The following GTF2F1 variants were observed in gnomAD, a reference collection of about 807,000 sequenced individuals.
GTF2F1 encodes general transcription factor IIF subunit 1, also known as general transcription factor IIF 74 kDa subunit.
A neutral mutation model predicts 63.5 loss-of-function variants in GTF2F1; 39 were observed. The ratio of observed to expected loss-of-function variants is 0.61; its 90% CI spans 0.48 to 0.80. The LOEUF (loss-of-function observed/expected upper bound fraction) is 0.80, where lower values mean the gene tolerates loss of function less well. Among genes scored for constraint, GTF2F1 ranks in the 30% least tolerant of loss-of-function variants. The pLI, the probability that GTF2F1 is intolerant of heterozygous loss-of-function variation, is 0.00. For missense variants in GTF2F1, 657 were observed against 718.3 expected, an observed-to-expected ratio of 0.91 and a Z score of 0.97; for synonymous variants, 287 against 285.3, an observed-to-expected ratio of 1.01 and a Z score of -0.06.
chr19:6,392,932 G>C, intron 1 of GTF2F1, 29 bp from the exon 2 acceptor site: 1 of 1,614,062 alleles, frequency 6.2e-7, no homozygotes, highest in African/African-American at 1.3e-5. Flanking sequence ...GTGAGTGAGG[G>C]GTCGCCGAGG....
Position 6,380,680 on chromosome 19 carries a change from C to T in GTF2F1, c.1242G>A (p.Val414=), listed in dbSNP as rs772854076. Residue 414 remains valine (V), a synonymous_variant, in exon 12 of 13, where the codon GTG becomes GTA. Transcript: ENST00000394456. This position sits in a 1 kb window ranked among gnomAD's most constrained non-coding sequence, Gnocchi z 5.3. The part of the protein sequence containing the change: ...AASKLEQGKR[V]SEMPAAKRLR... ...ACCGCTTGGCTGCAGGCATCTCGCTCACCCGCTTCCCTGTGGGAGTGGGGT... is the reference window on the plus strand; with the variant it reads ...ACCGCTTGGCTGCAGGCATCTCGCTTACCCGCTTCCCTGTGGGAGTGGGGT... The T allele has an allele frequency of 1.2e-6, 2 of 1,611,686 alleles. No individual in the cohort carries two copies. Among genetic ancestry groups the T allele is most frequent in the Admixed American group, 1.7e-5 (1 of 60,002 alleles).
At chr19:6,389,752 T>C in intron 3 of GTF2F1, 115 bp from the exon 4 acceptor site, 1 of 881,784 alleles carries the variant, frequency 1.1e-6, no homozygotes, top group Non-Finnish European at 1.8e-6. Context: ...AAAACCAACT[T>C]ACCACTTGGC....
intron 4 of GTF2F1, among the ~76,000 whole-genome samples, chr19:6,389,171 G>A (rs2091985854): frequency 6.6e-6 from 1 of 152,032 alleles, no homozygotes; most frequent in Admixed American, 6.6e-5. Flanking sequence ...GGGAGGTGTG[G>A]GTTGCAGTGA....
In GTF2F1 at chr19:6,380,982, T is replaced by C. The variant is rs1568328704; in HGVS notation, c.1153A>G (p.Ser385Gly). Residue 385 changes from serine to glycine, a missense_variant, in exon 11 of 13, where the codon AGC becomes GGC. Ser to Gly is a moderately conservative substitution (Grantham distance 56). Around this residue, in one of 2 missense-constraint regions of GTF2F1, gnomAD observed 602 missense variants for 625.6 expected, o/e 0.96. Transcript: ENST00000394456. This position sits in a 1 kb window ranked among gnomAD's most constrained non-coding sequence, Gnocchi z 5.3. ...KPSGGSSRGN[S>G]RPGTPSAEGG... The stretch of plus-strand genomic sequence containing the variant: ...TCTGCGCTGGGCGTGCCTGGGCGGC[T>C]GTTGCCCCTTGAGCTCCCTCCCGAC... The C allele has an allele frequency of 6.2e-7, 1 of 1,607,040 alleles. No individual in the cohort carries two copies. Among genetic ancestry groups the C allele is most frequent in the Non-Finnish European group, 8.5e-7 (1 of 1,177,028 alleles).
chr19:6,381,983 G>C lies in GTF2F1; in HGVS notation c.683-133C>G. ...CTGACTGGGGAGACTACACCTCCAG[G>C]GCCAGCCCAGGAGCTCAGCTCTCCT... On this transcript the variant is annotated intron_variant, in intron 6 of 12. Coordinates refer to ENST00000394456, the MANE Select transcript of GTF2F1 (RefSeq NM_002096.3). This position sits in a 1 kb window ranked among gnomAD's most constrained non-coding sequence, Gnocchi z 4.1. The C allele has an allele frequency of 2.8e-6, 2 of 705,072 alleles. No homozygotes were observed. Among genetic ancestry groups the C allele is most frequent in the Non-Finnish European group, 4.7e-6 (2 of 426,210 alleles). The allele number at this position is 705,072 out of a possible 1,614,324, so 43.7% of individuals were successfully genotyped here.
rs529682957 is a variant in GTF2F1 at position 6,379,863 on chromosome 19, G to A, written c.*418C>T. 9.3e-4 allele frequency: 203 copies of A among 218,484 alleles called. No homozygotes were observed. The highest frequency in any genetic ancestry group is 3.1e-3 in the African/African-American group (140 of 44,452). 13.5% of individuals were successfully genotyped at this position (218,484 alleles called of 1,614,324 possible). On this transcript the variant is annotated 3_prime_UTR_variant, in exon 13 of 13. Transcript: ENST00000394456. ...CTCCCAAGTAGCTGGGACTGCAGGCGCTCACCATCATGCCCAGCCAAAACT... is the reference window on the plus strand; with the variant it reads ...CTCCCAAGTAGCTGGGACTGCAGGCACTCACCATCATGCCCAGCCAAAACT...
intron 6 of GTF2F1, among the ~76,000 whole-genome samples, chr19:6,382,727 G>A (rs1352775109): frequency 1.3e-5 from 2 of 150,798 alleles, no homozygotes; most frequent in African/African-American, 4.9e-5. Flanking sequence ...GACCCTCGGA[G>A]GTCAAGGCTG....
Position 6,381,368 on chromosome 19 carries a change from G to A in GTF2F1, c.1009C>T (p.Arg337Cys), listed in dbSNP as rs541438215. The change falls in exon 9 of 13, where the codon CGC (arginine) becomes TGC (cysteine). Residue 337 changes from arginine (R) to cysteine (C), a missense_variant. Physicochemically the swap from Arg to Cys is radical, Grantham distance 180. Around this residue, in one of 2 missense-constraint regions of GTF2F1, gnomAD observed 602 missense variants for 625.6 expected, o/e 0.96. Coordinates refer to ENST00000394456, the MANE Select transcript of GTF2F1 (RefSeq NM_002096.3). The surrounding 1 kb of genome is among the most constrained non-coding windows in gnomAD (Gnocchi z 4.1). ...KKAPTPQEKK[R>C]RKDSSEESDS... The stretch of plus-strand genomic sequence containing the variant: ...GCCACATGCGCCGCACCTTTCCTGC[G>A]CTTCTTCTCCTGCGGGGTGGGTGCC... The A allele has an allele frequency of 1.5e-5, 24 of 1,602,184 alleles. No homozygotes were observed. Among genetic ancestry groups the A allele is most frequent in the East Asian group, 6.8e-5 (3 of 44,422 alleles).
chr19:6,392,724 G>T, intron 2 of GTF2F1, 133 bp downstream of exon 2: 2 of 873,130 alleles, frequency 2.3e-6, no homozygotes, highest in Non-Finnish European at 1.9e-6. Flanking sequence ...CTTAATCCCA[G>T]CCCTGCCCTC....
At chr19:6,386,155 G>A (rs561594114) in intron 5 of GTF2F1, among the ~76,000 whole-genome samples, 4 of 151,984 alleles carry the variant, frequency 2.6e-5, no homozygotes, top group Non-Finnish European at 4.4e-5. Context: ...GGAGGCTGAG[G>A]GGGGCAGATC....
At chr19:6,387,207 C>A in intron 5 of GTF2F1, 182 bp downstream of exon 5, 1 of 588,766 alleles carries the variant, frequency 1.7e-6, no homozygotes, top group Admixed American at 3.1e-5. Context: ...TGGGGTGCCC[C>A]ATTGTGGCCC....
intron 4 of GTF2F1, 53 bp from the exon 5 acceptor site, chr19:6,387,612 C>T (rs368991021): frequency 8.5e-6 from 11 of 1,298,410 alleles, no homozygotes; most frequent in Non-Finnish European, 2.2e-6. Flanking sequence ...CCCAGCCCCC[C>T]CGTGTCCCCC....
At position 6,381,637 on chromosome 19, in the gene GTF2F1, G is replaced by T; in HGVS notation, c.837-22C>A. ...GCTACTGTAAGACGGGGATGGCAAAGGATGAGCGCGCGCTCGCGAGGCTGC... is the reference window on the plus strand; with the variant it reads ...GCTACTGTAAGACGGGGATGGCAAATGATGAGCGCGCGCTCGCGAGGCTGC... On this transcript the variant is annotated intron_variant, in intron 7 of 12. Transcript: ENST00000394456. The surrounding 1 kb of genome is among the most constrained non-coding windows in gnomAD (Gnocchi z 4.1). 1 of 1,614,012 alleles carries T rather than the reference G, an allele frequency of 6.2e-7. No homozygotes were observed. The highest frequency in any genetic ancestry group is 1.1e-5 in the South Asian group (1 of 91,082).
rs1568332775 is a variant in GTF2F1, at chr19:6,392,337, T to C, written c.60-363A>G. On this transcript the variant is annotated intron_variant, in intron 2 of 12. Transcript: ENST00000394456. The stretch of plus-strand genomic sequence containing the variant: ...AAGAGCAGATGGAGGGACGAAGATT[T>C]GGGGGAACCCAAGATGTGGAGATTA... 8.4e-6 allele frequency: 4 copies of C among 478,922 alleles called. No individual in the cohort carries two copies. The Admixed American group carries it at 9.3e-5, about 11-fold the overall frequency. The allele number at this position is 478,922 out of a possible 1,614,324, so 29.7% of individuals were successfully genotyped here.
intron 4 of GTF2F1, among the ~76,000 whole-genome samples, chr19:6,388,908 T>C (rs957623566): frequency 2.0e-5 from 3 of 152,110 alleles, no homozygotes; most frequent in Admixed American, 6.6e-5. Context: ...ATCGCACCAC[T>C]GCACTCCAGC....
intron 2 of GTF2F1, 22 bp downstream of exon 2, chr19:6,392,835 G>A: frequency 6.2e-7 from 1 of 1,608,696 alleles, no homozygotes; most frequent in Non-Finnish European, 8.5e-7. Flanking sequence ...GAGAGGAGTG[G>A]GAGATGGGGC....
Position 6,381,878 on chromosome 19 carries a change from A to G in GTF2F1, c.683-28T>C, listed in dbSNP as rs773100170. Reference sequence around the variant, plus strand: ...GGGAAGGGAGGAAAGGAAGGAAAGGAGGGAAAGTGAGGAGGAAGGCAGTGG... The same window carrying G: ...GGGAAGGGAGGAAAGGAAGGAAAGGGGGGAAAGTGAGGAGGAAGGCAGTGG... On this transcript the variant is annotated intron_variant, in intron 6 of 12. Transcript: ENST00000394456. This position sits in a 1 kb window ranked among gnomAD's most constrained non-coding sequence, Gnocchi z 4.1. 8 of 1,568,854 alleles carry G rather than the reference A, an allele frequency of 5.1e-6. No individual in the cohort carries two copies. The highest frequency in any genetic ancestry group is 3.3e-4 in the Middle Eastern group (2 of 5,982).
chr19:6,382,916 C>T (rs1005202269), intron 6 of GTF2F1, among the ~76,000 whole-genome samples: 1 of 151,658 alleles, frequency 6.6e-6, no homozygotes, highest in Non-Finnish European at 1.5e-5. Flanking sequence ...ATTCTTTTTT[C>T]TCTGAGACGG....
At chr19:6,392,206 G>A (rs936350309) in intron 2 of GTF2F1, 1 of 572,572 alleles carries the variant, frequency 1.7e-6, no homozygotes, top group South Asian at 1.5e-5. Flanking sequence ...AACCCACCCA[G>A]CTTCATTCAG....
Sources: allele counts gnomAD v4.1 joint callset (sites outside exome capture counted in the v4.1 genomes callset), GRCh38; gene constraint gnomAD v4.1.1; regional missense constraint gnomAD v4.1.1; non-coding constraint Gnocchi (gnomAD v3.1); transcripts MANE v1.5; gene names NCBI Gene and HGNC (gene_info 2026-07-23, HGNC 2026-07-21).